Variants in GMDS observed in about 807,000 individuals in gnomAD.
GMDS encodes the protein GDP-mannose 4,6-dehydratase.
A neutral mutation model predicts 49.9 loss-of-function variants in GMDS; 20 were observed. The observed-to-expected ratio is 0.40, with a 90% CI of 0.28 to 0.58. The LOEUF (loss-of-function observed/expected upper bound fraction) is 0.58. Ranked by LOEUF, GMDS falls within the 20% of genes least tolerant of loss-of-function variation. The pLI is 0.42. For synonymous variants in GMDS, 177 were observed against 178.6 expected (o/e 0.99, Z 0.07); for missense variants, 362 against 481.4 (o/e 0.75, Z 2.32).
intron 4 of GMDS, among the ~76,000 whole-genome samples, chr6:2,063,062 T>C (rs532951044): frequency 2.0e-5 from 3 of 152,358 alleles, no homozygotes; most frequent in Admixed American, 6.5e-5. Context: ...GAGATACAAA[T>C]TGTGGCACAC....
chr6:2,066,570 T>C (rs1771608131), intron 4 of GMDS, among the ~76,000 whole-genome samples: 1 of 151,712 alleles, frequency 6.6e-6, no homozygotes, highest in Non-Finnish European at 1.5e-5. Flanking sequence ...AGGATGAAGA[T>C]CTACCAAGCA....
At chr6:2,193,070 G>A (rs1442633858) in intron 1 of GMDS, among the ~76,000 whole-genome samples, 1 of 152,186 alleles carries the variant, frequency 6.6e-6, no homozygotes, top group African/African-American at 2.4e-5. Flanking sequence ...CGTTTCAGTT[G>A]TCACAATCAC....
At chr6:2,239,689 C>CTT (rs771154281) in intron 1 of GMDS, among the ~76,000 whole-genome samples, 1 of 144,466 alleles carries the variant, frequency 6.9e-6, no homozygotes, top group Non-Finnish European at 1.5e-5. Context: ...AATGCCAGAC[C>CTT]TTTTTTTTTT....
At chr6:2,142,310 T>C (rs975838624) in intron 1 of GMDS, among the ~76,000 whole-genome samples, 2 of 152,052 alleles carry the variant, frequency 1.3e-5, no homozygotes, top group Admixed American at 1.3e-4. Flanking sequence ...CTCCAGGACC[T>C]GGGAATGGGA....
intron 1 of GMDS, among the ~76,000 whole-genome samples, chr6:2,192,256 C>T (rs1478543227): frequency 6.6e-6 from 1 of 151,918 alleles, no homozygotes; most frequent in East Asian, 2.0e-4. Context: ...GAGCTGAACA[C>T]TCATCGGGAC....
chr6:2,206,398 G>C (rs956107213), intron 1 of GMDS, among the ~76,000 whole-genome samples: 10 of 152,058 alleles, frequency 6.6e-5, no homozygotes, highest in African/African-American at 2.4e-4. Flanking sequence ...CCTCTGGGAG[G>C]CTCTAGGAGG....
intron 1 of GMDS, among the ~76,000 whole-genome samples, chr6:2,138,032 A>G (rs1368548391): frequency 2.0e-5 from 3 of 152,226 alleles, no homozygotes; most frequent in African/African-American, 4.8e-5. Flanking sequence ...GTCAACTGTA[A>G]TAGAAATTAA....
At chr6:1,976,713 G>A (rs1279487658) in intron 4 of GMDS, among the ~76,000 whole-genome samples, 1 of 152,152 alleles carries the variant, frequency 6.6e-6, no homozygotes, top group Admixed American at 6.5e-5. Flanking sequence ...TTAATGTTTA[G>A]TAGTATTAAA....
intron 7 of GMDS, among the ~76,000 whole-genome samples, chr6:1,807,646 T>G (rs549384687): frequency 6.6e-6 from 1 of 152,302 alleles, no homozygotes; most frequent in East Asian, 1.9e-4. Flanking sequence ...AGCCATTCAG[T>G]GGGGCCAAGG....
chr6:2,048,997 C>A (rs1770195202), intron 4 of GMDS, among the ~76,000 whole-genome samples: 1 of 152,078 alleles, frequency 6.6e-6, no homozygotes, highest in Admixed American at 6.6e-5. Context: ...GATTCGTGCC[C>A]TTATGAGAAG....
At chr6:2,102,273 A>C (rs926738450) in intron 4 of GMDS, among the ~76,000 whole-genome samples, 6 of 152,180 alleles carry the variant, frequency 3.9e-5, no homozygotes, top group African/African-American at 1.4e-4. Context: ...TAAAAATTAT[A>C]AGCAAATTGA....
At chr6:2,140,268 C>T (rs745516149) in intron 1 of GMDS, among the ~76,000 whole-genome samples, 5 of 152,026 alleles carry the variant, frequency 3.3e-5, no homozygotes, top group African/African-American at 1.2e-4. Flanking sequence ...GACGAGGCCA[C>T]GAGACCACAG....
chr6:1,740,213 T>C (rs76858598), intron 8 of GMDS, among the ~76,000 whole-genome samples: 6 of 152,274 alleles, frequency 3.9e-5, no homozygotes, highest in Middle Eastern at 3.4e-3. Flanking sequence ...TTAAAAAAAG[T>C]AATTAATGAG....
chr6:1,749,459 C>T (rs1029264444), intron 7 of GMDS, among the ~76,000 whole-genome samples: 2 of 151,110 alleles, frequency 1.3e-5, no homozygotes, highest in East Asian at 2.0e-4. Flanking sequence ...GTGGTGGGGG[C>T]GGGGGCACCT....
intron 1 of GMDS, among the ~76,000 whole-genome samples, chr6:2,190,353 A>T (rs1778958262): frequency 6.6e-6 from 1 of 152,242 alleles, no homozygotes; most frequent in Non-Finnish European, 1.5e-5. Flanking sequence ...CACTCACTAT[A>T]ATATACTGTG....
rs76147528 is a variant in GMDS at position 1,666,797 on chromosome 6, G to C, written c.988-42257C>G. The stretch of plus-strand genomic sequence containing the variant: ...CAAGGTCACAGTGTCCTTCTAAGCG[G>C]AACGATAGTGGAGACTGGGAACTAA... On this transcript the variant is annotated intron_variant, in intron 9 of 10. Transcript: ENST00000380815. Among the ~76,000 whole-genome samples the C allele has an allele frequency of 9.6e-3, 1,466 of 152,324 alleles. 17 individuals carry two copies. The highest frequency in any genetic ancestry group is 0.012 in the Non-Finnish European group (845 of 68,028).
chr6:2,062,723 T>C (rs1464511765), intron 4 of GMDS, among the ~76,000 whole-genome samples: 2 of 152,216 alleles, frequency 1.3e-5, no homozygotes, highest in African/African-American at 4.8e-5. Context: ...GATTTTATCT[T>C]AAAAAGAAGT....
chr6:1,835,036 A>G (rs1164671369), intron 7 of GMDS, among the ~76,000 whole-genome samples: 2 of 152,056 alleles, frequency 1.3e-5, no homozygotes, highest in Non-Finnish European at 2.9e-5. Flanking sequence ...TTTTATTTAG[A>G]TATTAATTAG....
At chr6:1,931,541 C>T (rs148093454) in intron 6 of GMDS, among the ~76,000 whole-genome samples, 111 of 152,228 alleles carry the variant, frequency 7.3e-4, no homozygotes, top group African/African-American at 2.6e-3. Context: ...TTATATAGCA[C>T]ATAGAGGTCC....
Sources: gnomAD v4.1 joint callset for allele counts (sites outside exome capture counted in the v4.1 genomes callset) on GRCh38, gnomAD v4.1.1 for gene constraint, MANE v1.5 for transcripts, NCBI Gene and HGNC (gene_info 2026-07-23, HGNC 2026-07-21) for gene names.